CCSER1: variants seen among roughly 807,000 people sequenced by gnomAD.
The protein encoded by CCSER1 is serine-rich coiled-coil domain-containing protein 1.
In CCSER1, 41 loss-of-function variants were observed where a neutral mutation model predicts 82.0. That is an observed-to-expected ratio of 0.50 (90% confidence interval 0.39 to 0.65). The LOEUF (loss-of-function observed/expected upper bound fraction) is 0.65, where lower values mean the gene tolerates loss of function less well. Ranked by LOEUF, CCSER1 falls within the 30% of genes least tolerant of loss-of-function variation. CCSER1 has a pLI of 0.00. For missense variants in CCSER1, 1,119 were observed against 1,064.2 expected (o/e 1.05, Z -0.72); for synonymous variants, 414 against 383.9 (o/e 1.08, Z -0.92).
At chr4:90,604,409 T>A (rs982570217) in intron 5 of CCSER1, among the ~76,000 whole-genome samples, 5 of 152,172 alleles carry the variant, frequency 3.3e-5, no homozygotes, top group African/African-American at 1.2e-4. Flanking sequence ...CCATTTATTA[T>A]CTGTGTTACT....
intron 10 of CCSER1, among the ~76,000 whole-genome samples, chr4:91,357,137 T>C (rs369822344): frequency 6.6e-6 from 1 of 152,208 alleles, no homozygotes; most frequent in African/African-American, 2.4e-5. Flanking sequence ...GTAAAATGAA[T>C]GTTTCCTTTA....
At chr4:90,228,051 C>T (rs1318542109) in intron 1 of CCSER1, among the ~76,000 whole-genome samples, 3 of 152,332 alleles carry the variant, frequency 2.0e-5, no homozygotes, top group Non-Finnish European at 4.4e-5. Context: ...TGGGGAGGGG[C>T]GCCCGCCATT....
rs543361166 is a variant in CCSER1 at position 90,938,384 on chromosome 4, C to G, written c.2172+14937C>G. ...AAGTTTATTAGAACTTGTTTTTGTA[C>G]TCTAATTATAAAACCAAGGGAATGA... On this transcript the variant is annotated intron_variant, in intron 9 of 10. Coordinates refer to ENST00000509176, the MANE Select transcript of CCSER1 (RefSeq NM_001145065.2). 3.9e-5 allele frequency among the ~76,000 whole-genome samples: 6 copies of G among 152,100 alleles called. No homozygotes were observed. The South Asian group carries it at 1.2e-3, about 32-fold the overall frequency.
At chr4:91,278,195 G>T (rs1742627925) in intron 10 of CCSER1, among the ~76,000 whole-genome samples, 1 of 152,036 alleles carries the variant, frequency 6.6e-6, no homozygotes, top group Non-Finnish European at 1.5e-5. Flanking sequence ...GGTCCATTTG[G>T]TCTAAAATGC....
intron 9 of CCSER1, among the ~76,000 whole-genome samples, chr4:91,075,858 C>A (rs1040966614): frequency 6.6e-6 from 1 of 151,958 alleles, no homozygotes; most frequent in African/African-American, 2.4e-5. Flanking sequence ...TAAAGCAAAT[C>A]AACCAAATTA....
At chr4:91,308,907 CT>C (rs1229276448) in intron 10 of CCSER1, among the ~76,000 whole-genome samples, 3 of 151,776 alleles carry the variant, frequency 2.0e-5, no homozygotes, top group African/African-American at 7.3e-5. Context: ...ATTAAGTTTA[CT>C]TCTTAATAAA....
rs140666517 is a variant in CCSER1 at position 91,424,354 on chromosome 4, C to T, written c.2218-174218C>T. Among the ~76,000 whole-genome samples, 575 of 152,172 alleles carry T rather than the reference C, an allele frequency of 3.8e-3. 2 individuals are homozygous for T. The highest frequency in any genetic ancestry group is 0.013 in the African/African-American group (555 of 41,486). On this transcript the variant is annotated intron_variant, in intron 10 of 10. Coordinates refer to ENST00000509176, the MANE Select transcript of CCSER1 (RefSeq NM_001145065.2). The stretch of plus-strand genomic sequence containing the variant: ...GATCTTAAGAAAACTCTTAGATCTG[C>T]GGAATTTGGGTTGGTTTTTGAAATG...
intron 10 of CCSER1, among the ~76,000 whole-genome samples, chr4:91,206,989 T>C (rs770798106): frequency 1.3e-5 from 2 of 151,868 alleles, no homozygotes; most frequent in Non-Finnish European, 2.9e-5. Flanking sequence ...CAGCTGTCTC[T>C]GTCCAGAAAG....
At chr4:91,401,252 A>G (rs1428924069) in intron 10 of CCSER1, among the ~76,000 whole-genome samples, 1 of 149,510 alleles carries the variant, frequency 6.7e-6, no homozygotes, top group Non-Finnish European at 1.5e-5. Context: ...GTGTATTCTA[A>G]GACATATATA....
chr4:91,244,233 A>C (rs1039131746), intron 10 of CCSER1, among the ~76,000 whole-genome samples: 3 of 152,232 alleles, frequency 2.0e-5, no homozygotes, highest in Non-Finnish European at 4.4e-5. Context: ...TGTAAGTGCC[A>C]GCTTAGCCAC....
chr4:90,369,511 A>G (rs1453393283), intron 3 of CCSER1, among the ~76,000 whole-genome samples: 3 of 152,048 alleles, frequency 2.0e-5, no homozygotes, highest in African/African-American at 4.8e-5. Context: ...TGATATATTT[A>G]TTTACAAGTA....
chr4:91,525,329 G>A (rs1760717432), intron 10 of CCSER1, among the ~76,000 whole-genome samples: 3 of 151,992 alleles, frequency 2.0e-5, no homozygotes, highest in Admixed American at 2.0e-4. Flanking sequence ...TTATGTGATT[G>A]TCTGCAATAT....
At chr4:90,233,204 C>A (rs191858556) in intron 1 of CCSER1, among the ~76,000 whole-genome samples, 111 of 152,112 alleles carry the variant, frequency 7.3e-4, no homozygotes, top group African/African-American at 2.6e-3. Context: ...TTCACAATAG[C>A]AAAGACTTGG....
chr4:90,299,258 T>C (rs1732629147), intron 1 of CCSER1, among the ~76,000 whole-genome samples: 1 of 152,102 alleles, frequency 6.6e-6, no homozygotes, highest in Admixed American at 6.6e-5. Context: ...GGGATTGATT[T>C]ATACAAATCT....
intron 7 of CCSER1, chr4:90,781,429 C>T: frequency 1.0e-6 from 1 of 985,326 alleles, no homozygotes; most frequent in Non-Finnish European, 1.2e-6. Context: ...TAACCTAACT[C>T]ATGGCATTTC....
intron 10 of CCSER1, among the ~76,000 whole-genome samples, chr4:91,413,707 G>T (rs1391307085): frequency 6.6e-6 from 1 of 151,936 alleles, no homozygotes; most frequent in Non-Finnish European, 1.5e-5. Flanking sequence ...AAGCTCTGGG[G>T]ATCTAAGCAA....
At chr4:90,167,157 A>G (rs928141387) in intron 1 of CCSER1, among the ~76,000 whole-genome samples, 10 of 152,084 alleles carry the variant, frequency 6.6e-5, no homozygotes, top group Admixed American at 2.0e-4. Context: ...AAAAACTCAA[A>G]CTCAAGAAGT....
intron 9 of CCSER1, among the ~76,000 whole-genome samples, chr4:91,030,664 T>C (rs1053907696): frequency 3.9e-5 from 6 of 152,038 alleles, no homozygotes; most frequent in African/African-American, 1.2e-4. Flanking sequence ...TTCAAACAAA[T>C]TGGTTTTGGG....
intron 4 of CCSER1, among the ~76,000 whole-genome samples, chr4:90,419,308 GTTC>G (rs1201354374): frequency 3.3e-5 from 5 of 151,842 alleles, no homozygotes; most frequent in African/African-American, 1.2e-4. Flanking sequence ...TGGCAATCTT[GTTC>G]TTCTAACGAT....
Sources: gnomAD v4.1 joint callset for allele counts (sites outside exome capture counted in the v4.1 genomes callset) on GRCh38, gnomAD v4.1.1 for gene constraint, MANE v1.5 for transcripts, NCBI Gene and HGNC (gene_info 2026-07-23, HGNC 2026-07-21) for gene names.